The following ZNF215 variants were observed in gnomAD, a reference collection of about 807,000 sequenced individuals.
ZNF215 encodes zinc finger protein 215, also known as BWSCR2-associated zinc finger protein 2.
In ZNF215, 24 loss-of-function variants were observed where a neutral mutation model predicts 27.2. The ratio of observed to expected loss-of-function variants is 0.88; its 90% CI spans 0.64 to 1.24. ZNF215 has a LOEUF of 1.24. Among genes scored for constraint, ZNF215 ranks in the 50% most tolerant of loss-of-function variants. The pLI, the probability that ZNF215 is intolerant of heterozygous loss-of-function variation, is 0.00. For missense variants in ZNF215, 675 were observed against 605.7 expected, an observed-to-expected ratio of 1.11 and a Z score of -1.20; for synonymous variants, 210 against 204.0, an observed-to-expected ratio of 1.03 and a Z score of -0.25.
At chr11:6,959,724 G>A (rs760731581), downstream of ZNF215, among the ~76,000 whole-genome samples, 1 of 152,036 alleles carries the variant, frequency 6.6e-6, no homozygotes, top group Non-Finnish European at 1.5e-5. Flanking sequence ...TCAATGGGGA[G>A]GATTTATTTC....
At chr11:6,983,438 T>C (rs950083126) in intron 5 of ZNF215, among the ~76,000 whole-genome samples, 1 of 152,188 alleles carries the variant, frequency 6.6e-6, no homozygotes, top group African/African-American at 2.4e-5. Context: ...TACCAAAGCC[T>C]GGCAGAGACA....
intron 2 of ZNF215, among the ~76,000 whole-genome samples, chr11:6,928,983 T>TTA (rs1461573864): frequency 6.6e-6 from 1 of 152,086 alleles, no homozygotes; most frequent in Admixed American, 6.5e-5. Flanking sequence ...TGGTCTTTTG[T>TTA]TATGAGTTTG....
intron 5 of ZNF215, among the ~76,000 whole-genome samples, chr11:6,967,803 T>A (rs938264110): frequency 9.2e-5 from 14 of 152,204 alleles, no homozygotes; most frequent in African/African-American, 3.4e-4. Flanking sequence ...TAGATCCCAA[T>A]TTGTCTATTT....
At chr11:6,951,050 T>C (rs2133267338) in intron 6 of ZNF215, among the ~76,000 whole-genome samples, 1 of 152,220 alleles carries the variant, frequency 6.6e-6, no homozygotes, top group East Asian at 1.9e-4. Flanking sequence ...GATTTGCGTA[T>C]ATTGAACCAG....
Position 6,957,274 on chromosome 11 carries a change from G to C in ZNF215, c.*743G>C, listed in dbSNP as rs900709015. On this transcript the variant is annotated 3_prime_UTR_variant, in exon 7 of 7. Transcript: ENST00000278319. ...GATTCCCAGCCAGGGACACTGTGTG[G>C]AGTTCGCACACTCTCCCTATGTCTC... 1.3e-6 allele frequency: 1 copy of C among 783,528 alleles called. No homozygotes were observed. Among genetic ancestry groups the C allele is most frequent in the South Asian group, 5.8e-5 (1 of 17,194 alleles). The allele number at this position is 783,528 out of a possible 1,614,324, so 48.5% of individuals were successfully genotyped here.
intron 5 of ZNF215, among the ~76,000 whole-genome samples, chr11:6,981,505 A>G (rs1296877698): frequency 1.3e-5 from 2 of 152,180 alleles, no homozygotes; most frequent in African/African-American, 4.8e-5. Context: ...GATTCTGGAT[A>G]TCAGCCTTTT....
At chr11:6,988,406 A>G (rs111321826), downstream of ZNF215, 3,471 of 264,324 alleles carry the variant, frequency 0.013, 131 homozygotes, top group African/African-American at 0.075. Flanking sequence ...CTAGGCTTTA[A>G]TGTAACTGAT....
chr11:6,963,239 C>A (rs970968590), intron 5 of ZNF215, among the ~76,000 whole-genome samples: 11 of 152,124 alleles, frequency 7.2e-5, no homozygotes, highest in African/African-American at 2.6e-4. Flanking sequence ...AACCCCAGCC[C>A]TCATGACCCC....
At chr11:6,935,856 C>G (rs923563403) in intron 3 of ZNF215, among the ~76,000 whole-genome samples, 2 of 152,094 alleles carry the variant, frequency 1.3e-5, no homozygotes, top group African/African-American at 4.8e-5. Context: ...CATGAAGTAT[C>G]TTTTCCAACT....
At chr11:6,962,742 C>T (rs964573207), downstream of ZNF215, among the ~76,000 whole-genome samples, 1 of 152,084 alleles carries the variant, frequency 6.6e-6, no homozygotes, top group Admixed American at 6.6e-5. Context: ...CAGACCTAAT[C>T]AGGCAGAAAT....
chr11:6,940,429 C>T (rs1385685392), intron 3 of ZNF215, among the ~76,000 whole-genome samples: 2 of 152,066 alleles, frequency 1.3e-5, no homozygotes, highest in South Asian at 2.1e-4. Flanking sequence ...GTCAGCCTCC[C>T]AAGTAGATGA....
intron 5 of ZNF215, among the ~76,000 whole-genome samples, chr11:6,971,766 T>TA (rs150381380): frequency 0.01 from 1,530 of 152,246 alleles, 30 homozygotes; most frequent in African/African-American, 0.035. Context: ...CAGCCTTAGT[T>TA]AAAATTTATC....
chr11:6,971,104 G>GA lies in ZNF215; in HGVS notation c.806-13013dup, dbSNP rs535725809. On this transcript the variant is annotated intron_variant, in intron 5 of 5. Transcript: ENST00000529903. ...AAATATTAGCCCTGGACTGTTACATGAAAAAAAAAAAACAAATTTGATTAA... is the reference window on the plus strand; with the variant it reads ...AAATATTAGCCCTGGACTGTTACATGAAAAAAAAAAAAACAAATTTGATTAA... 5.7e-3 allele frequency among the ~76,000 whole-genome samples: 792 copies of GA among 139,240 alleles called. 1 individual carries two copies. Among genetic ancestry groups the GA allele is most frequent in the East Asian group, 0.015 (73 of 4,850 alleles). 91.3% of individuals were successfully genotyped at this position (139,240 alleles called of 152,430 possible).
chr11:6,956,328 A>G lies in ZNF215; in HGVS notation c.1351A>G (p.Asn451Asp), dbSNP rs1850352182. 1 of 1,614,078 alleles carries G rather than the reference A, an allele frequency of 6.2e-7. No individual in the cohort carries two copies. Among genetic ancestry groups the G allele is most frequent in the African/African-American group, 1.3e-5 (1 of 74,942 alleles). Residue 451 changes from asparagine to aspartate, a missense_variant, in exon 7 of 7, where the codon AAT becomes GAT. Transcript: ENST00000278319. ...GGCCTTCAGTAAAAGTGAAGACAGT[A>G]ATAATCCAACACTCCATTTTGGAAA... Reference protein sequence around the residue: ...GKAFSKSEDSNNPTLHFGNNF... With the variant: ...GKAFSKSEDSDNPTLHFGNNF...
intron 6 of ZNF215, among the ~76,000 whole-genome samples, chr11:6,951,661 T>C (rs1284157852): frequency 6.6e-6 from 1 of 152,204 alleles, no homozygotes; most frequent in Admixed American, 6.5e-5. Context: ...TCTATCAATT[T>C]TGTTGATCCT....
chr11:6,949,372 A>G (rs1185789302), intron 6 of ZNF215, among the ~76,000 whole-genome samples: 10 of 152,274 alleles, frequency 6.6e-5, no homozygotes, highest in Admixed American at 4.6e-4. Flanking sequence ...CCAACAGTAT[A>G]AAAGTGTTCC....
downstream of ZNF215, among the ~76,000 whole-genome samples, chr11:6,959,358 A>G (rs1433444424): frequency 6.6e-6 from 1 of 152,208 alleles, no homozygotes; most frequent in Non-Finnish European, 1.5e-5. Context: ...GGGGCACATC[A>G]TGAGAGGTCT....
intron 5 of ZNF215, among the ~76,000 whole-genome samples, chr11:6,977,007 G>C (rs766340440): frequency 2.0e-5 from 3 of 152,120 alleles, no homozygotes; most frequent in Non-Finnish European, 2.9e-5. Flanking sequence ...TCCTGGGCTT[G>C]TGGCTACATC....
At position 6,956,176 on chromosome 11, in the gene ZNF215, T is replaced by C. The variant is rs1850340425; in HGVS notation, c.1199T>C (p.Ile400Thr). The change falls in exon 7 of 7, where the codon ATT (isoleucine) becomes ACT (threonine). Residue 400 changes from isoleucine (I) to threonine (T), a missense_variant. Ile to Thr is a moderately conservative substitution (Grantham distance 89). Transcript: ENST00000278319. Reference sequence around the variant, plus strand: ...TCATCCCTTATTCGACATCAGATCATTCACACAGGAGAGAAACCCTATAAA... The same window carrying C: ...TCATCCCTTATTCGACATCAGATCACTCACACAGGAGAGAAACCCTATAAA... ...RSSSLIRHQI[I>T]HTGEKPYKCS... is the part of the protein sequence containing the mutation. 6.2e-7 allele frequency: 1 copy of C among 1,613,670 alleles called. No individual in the cohort carries two copies. The highest frequency in any genetic ancestry group is 1.3e-5 in the African/African-American group (1 of 75,042).
Sources: allele counts gnomAD v4.1 joint callset (sites outside exome capture counted in the v4.1 genomes callset), GRCh38; gene constraint gnomAD v4.1.1; transcripts MANE v1.5; gene names NCBI Gene and HGNC (gene_info 2026-07-23, HGNC 2026-07-21).